NECAB1: variants seen among roughly 807,000 people sequenced by gnomAD.
NECAB1 encodes N-terminal EF-hand calcium binding protein 1.
NECAB1 carries 29 observed loss-of-function variants against 57.5 expected under a neutral mutation model. The observed-to-expected ratio is 0.50, with a 90% CI of 0.38 to 0.69. The LOEUF is 0.69. Ranked by LOEUF, NECAB1 falls within the 30% of genes least tolerant of loss-of-function variation. The pLI, the probability that NECAB1 is intolerant of heterozygous loss-of-function variation, is 0.00. For missense variants in NECAB1, 372 were observed against 413.8 expected (o/e 0.90, Z 0.88); for synonymous variants, 142 against 147.7 (o/e 0.96, Z 0.28).
rs1811028266 is a variant in NECAB1, at chr8:90,956,183, T to C, written c.*671T>C. The C allele has an allele frequency of 6.6e-6, 1 of 152,072 alleles. No homozygotes were observed. Among genetic ancestry groups the C allele is most frequent in the African/African-American group, 2.4e-5 (1 of 41,440 alleles). The allele number at this position is 152,072 out of a possible 1,614,324, so 9.4% of individuals were successfully genotyped here. On this transcript the variant is annotated 3_prime_UTR_variant, in exon 13 of 13. Transcript: ENST00000417640. The stretch of plus-strand genomic sequence containing the variant: ...TTAGTAATACAGCAACATTGTGTCA[T>C]TTATTAGCATCATAATTCTTTGTTA...
chr8:90,845,340 G>C (rs972525653), intron 3 of NECAB1, among the ~76,000 whole-genome samples: 1 of 152,128 alleles, frequency 6.6e-6, no homozygotes, highest in African/African-American at 2.4e-5. Flanking sequence ...TCAGTACAAG[G>C]AAATAATAGC....
At chr8:90,906,067 G>A (rs1329425803) in intron 5 of NECAB1, among the ~76,000 whole-genome samples, 2 of 152,068 alleles carry the variant, frequency 1.3e-5, no homozygotes, top group Non-Finnish European at 2.9e-5. Flanking sequence ...ATATGGATAT[G>A]TGCGGGTAGA....
chr8:90,816,977 A>G (rs1382089216), intron 2 of NECAB1, among the ~76,000 whole-genome samples: 2 of 151,680 alleles, frequency 1.3e-5, no homozygotes, highest in African/African-American at 2.4e-5. Flanking sequence ...CTTAGATCCT[A>G]TTTAATTTCT....
intron 2 of NECAB1, among the ~76,000 whole-genome samples, chr8:90,805,653 T>C (rs957495465): frequency 1.3e-5 from 2 of 151,918 alleles, no homozygotes; most frequent in East Asian, 1.9e-4. Context: ...AGGAAGCTTA[T>C]TTACAGGTTG....
In NECAB1 at chr8:90,923,414, G is replaced by T. The variant is rs992667446; in HGVS notation, c.495-2121G>T. On this transcript the variant is annotated intron_variant, in intron 6 of 12. Transcript: ENST00000417640. Reference sequence around the variant, plus strand: ...GACTCCAGTTGGGGCGTGCTTCTTTGAGGGATCTGATTAATCCCAGAGAAA... The same window carrying T: ...GACTCCAGTTGGGGCGTGCTTCTTTTAGGGATCTGATTAATCCCAGAGAAA... Among the ~76,000 whole-genome samples the T allele has an allele frequency of 2.6e-5, 4 of 152,170 alleles. No homozygotes were observed. The East Asian group carries it at 7.7e-4, about 29-fold the overall frequency.
intron 2 of NECAB1, among the ~76,000 whole-genome samples, chr8:90,819,875 G>A (rs2129694616): frequency 6.6e-6 from 1 of 151,416 alleles, no homozygotes; most frequent in Non-Finnish European, 1.5e-5. Context: ...GAACATTTGG[G>A]GTATATTTCT....
At chr8:90,795,064 A>G (rs1811637926) in intron 1 of NECAB1, among the ~76,000 whole-genome samples, 1 of 152,226 alleles carries the variant, frequency 6.6e-6, no homozygotes, top group African/African-American at 2.4e-5. Flanking sequence ...GGCAACACAT[A>G]GGACCACAGG....
chr8:90,883,865 A>C (rs944993832), intron 5 of NECAB1, among the ~76,000 whole-genome samples: 4 of 152,164 alleles, frequency 2.6e-5, no homozygotes, highest in Non-Finnish European at 5.9e-5. Flanking sequence ...TTCTTTCTAC[A>C]GGGTAGAGGT....
At chr8:90,811,066 G>A (rs755559543) in intron 2 of NECAB1, among the ~76,000 whole-genome samples, 7 of 151,198 alleles carry the variant, frequency 4.6e-5, no homozygotes, top group African/African-American at 1.5e-4. Context: ...TCCTGCCTCC[G>A]CCTCCCGAGT....
At chr8:90,865,728 C>T (rs1808500569) in intron 3 of NECAB1, among the ~76,000 whole-genome samples, 1 of 152,170 alleles carries the variant, frequency 6.6e-6, no homozygotes, top group African/African-American at 2.4e-5. Flanking sequence ...TGTGTTTGTG[C>T]TAGGCCCTAG....
In NECAB1 at chr8:90,808,866, C is replaced by T. The variant is rs556744861; in HGVS notation, c.124+7151C>T. On this transcript the variant is annotated intron_variant, in intron 2 of 12. Transcript: ENST00000417640. ...TTCACCATGCTGGTCAGGCTGGTCT[C>T]GAACTCCTGACCTCATGATCTGCCC... Among the ~76,000 whole-genome samples, 18 of 152,020 alleles carry T rather than the reference C, an allele frequency of 1.2e-4. No individual in the cohort carries two copies. In the East Asian group the frequency reaches 3.5e-3, roughly 29 times the overall value.
rs538635711 is a variant in NECAB1, at chr8:90,872,103, GT to G, written c.234-16del. Reference sequence around the variant, plus strand: ...AAAATATTACCAAAGTAATAACACTGTTTTTTTTTGTTTCATCTTTTCAGTA... The same window carrying G: ...AAAATATTACCAAAGTAATAACACTGTTTTTTTTGTTTCATCTTTTCAGTA... On this transcript the variant is annotated intron_variant, in intron 3 of 12. Coordinates refer to ENST00000417640, the MANE Select transcript of NECAB1 (RefSeq NM_022351.5). The G allele has an allele frequency of 1.4e-4, 209 of 1,493,378 alleles. 2 individuals carry two copies. The highest frequency in any genetic ancestry group is 3.3e-4 in the Admixed American group (16 of 47,762). 92.5% of individuals were successfully genotyped at this position (1,493,378 alleles called of 1,614,324 possible).
At position 90,868,315 on chromosome 8, in the gene NECAB1, A is replaced by C. The variant is rs151027929; in HGVS notation, c.234-3813A>C. Among the ~76,000 whole-genome samples the C allele has an allele frequency of 3.7e-4, 56 of 152,342 alleles. No individual in the cohort carries two copies. The East Asian group carries it at 6.5e-3, about 18-fold the overall frequency. On this transcript the variant is annotated intron_variant, in intron 3 of 12. Transcript: ENST00000417640. ...ATAGAGAAGTGGGACATTGCTATAA[A>C]GATAACTGAAAATGTGGAAGCAACT...
At chr8:90,889,982 T>G (rs913511590) in intron 5 of NECAB1, among the ~76,000 whole-genome samples, 3 of 152,248 alleles carry the variant, frequency 2.0e-5, no homozygotes, top group Non-Finnish European at 2.9e-5. Context: ...TGTGTTTGTG[T>G]GTGGTGGAGT....
chr8:90,940,948 A>C, intron 10 of NECAB1, 50 bp downstream of exon 10: 1 of 1,339,388 alleles, frequency 7.5e-7, no homozygotes, highest in Non-Finnish European at 1.0e-6. Context: ...CTGGGAATAC[A>C]GTGAAGGCAT....
At chr8:90,865,922 A>G (rs1472105321) in intron 3 of NECAB1, among the ~76,000 whole-genome samples, 1 of 152,166 alleles carries the variant, frequency 6.6e-6, no homozygotes, top group African/African-American at 2.4e-5. Flanking sequence ...GCAGCACCTG[A>G]TCTATTTCAG....
At chr8:90,892,155 G>A (rs1809196703) in intron 5 of NECAB1, among the ~76,000 whole-genome samples, 1 of 152,174 alleles carries the variant, frequency 6.6e-6, no homozygotes, top group Non-Finnish European at 1.5e-5. Context: ...AGCATCAGAA[G>A]ACATAGCTTA....
chr8:90,835,836 G>A (rs1421372461), intron 3 of NECAB1, among the ~76,000 whole-genome samples: 2 of 152,130 alleles, frequency 1.3e-5, no homozygotes, highest in Admixed American at 6.6e-5. Context: ...ACAGAAAAAG[G>A]ATATTTTGAT....
intron 5 of NECAB1, among the ~76,000 whole-genome samples, chr8:90,916,838 T>G (rs1809964757): frequency 6.6e-6 from 1 of 152,310 alleles, no homozygotes; most frequent in Middle Eastern, 3.4e-3. Flanking sequence ...GCTGTTTCAG[T>G]GAATGCTGCT....
Sources: allele counts gnomAD v4.1 joint callset (sites outside exome capture counted in the v4.1 genomes callset), GRCh38; gene constraint gnomAD v4.1.1; transcripts MANE v1.5; gene names NCBI Gene and HGNC (gene_info 2026-07-23, HGNC 2026-07-21).